Variants in LIN28B observed in about 807,000 individuals in gnomAD.
LIN28B encodes the protein lin-28 RNA binding posttranscriptional regulator B.
A neutral mutation model predicts 21.9 loss-of-function variants in LIN28B; 5 were observed. The observed-to-expected ratio is 0.23, with a 90% CI of 0.12 to 0.48. The LOEUF is 0.48. LIN28B is among the 20% of genes least tolerant of loss of function. LIN28B has a pLI of 0.98. For missense variants in LIN28B, 245 were observed against 310.5 expected, an observed-to-expected ratio of 0.79 and a Z score of 1.58; for synonymous variants, 109 against 111.3, an observed-to-expected ratio of 0.98 and a Z score of 0.13.
chr6:105,026,302 A>G lies in LIN28B; in HGVS notation c.203A>G (p.Lys68Arg), dbSNP rs1339761084. Reference sequence around the variant, plus strand: ...ACCCTCTTCTGCTCTTTACAGAGCAAACTATTCATGGAAGGATTTAGAAGC... The same window carrying G: ...ACCCTCTTCTGCTCTTTACAGAGCAGACTATTCATGGAAGGATTTAGAAGC... ...IPVDVFVHQS[K>R]LFMEGFRSLK... Residue 68 changes from lysine (K) to arginine (R), a missense_variant, in exon 3 of 4, where the codon AAA becomes AGA. Physicochemically the swap from Lys to Arg is conservative, Grantham distance 26 (BLOSUM62 2). Transcript: ENST00000345080. 1.9e-6 allele frequency: 3 copies of G among 1,591,536 alleles called. No homozygotes were observed.
chr6:104,985,642 TTTATA>T (rs1342908074), intron 2 of LIN28B, among the ~76,000 whole-genome samples: 5 of 152,160 alleles, frequency 3.3e-5, no homozygotes, highest in Admixed American at 6.5e-5. Flanking sequence ...CAATTTATAT[TTTATA>T]TTATATGTCA....
intron 2 of LIN28B, among the ~76,000 whole-genome samples, chr6:105,004,976 G>T (rs1032062309): frequency 6.6e-6 from 1 of 151,966 alleles, no homozygotes; most frequent in African/African-American, 2.4e-5. Flanking sequence ...TTTAGATCAC[G>T]TGTCTTCATC....
intron 2 of LIN28B, among the ~76,000 whole-genome samples, chr6:104,979,654 A>G (rs764636384): frequency 7.9e-5 from 12 of 152,186 alleles, no homozygotes; most frequent in Non-Finnish European, 1.5e-4. Flanking sequence ...TTTTTATACA[A>G]ATAGGGAAAT....
At position 105,080,416 on chromosome 6, in the gene LIN28B, C is replaced by T. The variant is rs2114430803; in HGVS notation, c.*1633C>T. 1 of 152,688 alleles carries T rather than the reference C, an allele frequency of 6.5e-6. No individual in the cohort carries two copies. Among genetic ancestry groups the T allele is most frequent in the South Asian group, 2.1e-4 (1 of 4,824 alleles). The allele number at this position is 152,688 out of a possible 1,614,324, so 9.5% of individuals were successfully genotyped here. ...GACATATTCTGCTGAACAGTTTCTA[C>T]TTCCTCTCCCGCCTGTCCTGTCATG... On this transcript the variant is annotated 3_prime_UTR_variant, in exon 4 of 4. Transcript: ENST00000345080.
chr6:104,958,272 G>C lies in LIN28B; in HGVS notation c.184G>C (p.Val62Leu). Residue 62 changes from valine (V) to leucine (L), a missense_variant, in exon 2 of 4, where the codon GTA (valine) becomes CTA (leucine). By Grantham distance (32) the Val-to-Leu change is conservative. Transcript: ENST00000345080. ...EGSPLDIPVDVFVHQSKLFME... is the reference protein window; with the variant it reads ...EGSPLDIPVDLFVHQSKLFME... ...AAGCCCCTTGGATATTCCAGTCGATGTATTTGTACACCAAGTAAGCCAAAC... is the reference window on the plus strand; with the variant it reads ...AAGCCCCTTGGATATTCCAGTCGATCTATTTGTACACCAAGTAAGCCAAAC... 5.8e-6 allele frequency: 9 copies of C among 1,560,492 alleles called. No homozygotes were observed. Among genetic ancestry groups the C allele is most frequent in the Non-Finnish European group, 7.9e-6 (9 of 1,142,342 alleles).
At chr6:105,076,967 C>T (rs943937366) in intron 3 of LIN28B, among the ~76,000 whole-genome samples, 1 of 151,748 alleles carries the variant, frequency 6.6e-6, no homozygotes, top group Non-Finnish European at 1.5e-5. Flanking sequence ...CAGTGGCTCA[C>T]GTCTGTAATC....
chr6:105,074,953 C>T (rs776615581), intron 3 of LIN28B, among the ~76,000 whole-genome samples: 10 of 152,252 alleles, frequency 6.6e-5, no homozygotes, highest in Admixed American at 1.3e-4. Context: ...GTGATCTGTC[C>T]GCCTCAGCCT....
Position 105,051,394 on chromosome 6 carries a change from G to A in LIN28B, c.383+24912G>A, listed in dbSNP as rs956746635. 2.0e-5 allele frequency among the ~76,000 whole-genome samples: 3 copies of A among 148,040 alleles called. No homozygotes were observed. The East Asian group carries it at 5.8e-4, about 29-fold the overall frequency. On this transcript the variant is annotated intron_variant, in intron 3 of 3. Transcript: ENST00000345080. ...GTGGAGGTTGCAGTGAGCTGAGATC[G>A]TGCCATTGCACTCCAGCCTGGGCGA...
intron 2 of LIN28B, among the ~76,000 whole-genome samples, chr6:105,008,069 A>T (rs1770851763): frequency 6.6e-6 from 1 of 152,202 alleles, no homozygotes; most frequent in South Asian, 2.1e-4. Flanking sequence ...CTTTAATTTT[A>T]TTGCTGACAT....
chr6:104,997,964 A>G (rs181578184), intron 2 of LIN28B, among the ~76,000 whole-genome samples: 4 of 152,284 alleles, frequency 2.6e-5, no homozygotes, highest in Non-Finnish European at 5.9e-5. Context: ...TAAACTGAGG[A>G]AAAAAAGGTT....
At chr6:105,070,634 A>ACACACACACACACACACACACACG (rs1206857492) in intron 3 of LIN28B, among the ~76,000 whole-genome samples, 1 of 150,938 alleles carries the variant, frequency 6.6e-6, no homozygotes, top group East Asian at 2.0e-4. Context: ...ACACACACAC[A>ACACACACACACACACACACACACG]CACACACTGG....
intron 2 of LIN28B, among the ~76,000 whole-genome samples, chr6:104,992,131 G>A (rs1248135146): frequency 3.3e-5 from 5 of 151,584 alleles, no homozygotes; most frequent in Non-Finnish European, 5.9e-5. Context: ...ATGCGATCTC[G>A]GCTCACCGTA....
intron 3 of LIN28B, among the ~76,000 whole-genome samples, chr6:105,030,541 ATGTAT>A (rs961854077): frequency 4.0e-5 from 6 of 151,030 alleles, no homozygotes; most frequent in South Asian, 2.1e-4. Context: ...TGATAAGATA[ATGTAT>A]TGTATTTCAA....
intron 3 of LIN28B, among the ~76,000 whole-genome samples, chr6:105,062,025 AG>A (rs1772130380): frequency 6.6e-6 from 1 of 152,098 alleles, no homozygotes; most frequent in South Asian, 2.1e-4. Context: ...TGTTATACTC[AG>A]GCCATTTATT....
chr6:104,988,518 G>T (rs557817861), intron 2 of LIN28B, among the ~76,000 whole-genome samples: 5 of 148,878 alleles, frequency 3.4e-5, no homozygotes, highest in South Asian at 4.3e-4. Flanking sequence ...TTGTAGAAAG[G>T]TTTTAAACTA....
chr6:105,076,097 A>G (rs1304099867), intron 3 of LIN28B, among the ~76,000 whole-genome samples: 5 of 152,230 alleles, frequency 3.3e-5, no homozygotes. Flanking sequence ...AGCATTAGCA[A>G]GTAAACTTTA....
intron 2 of LIN28B, among the ~76,000 whole-genome samples, chr6:104,979,327 A>C (rs570559292): frequency 4.6e-4 from 70 of 151,696 alleles, no homozygotes; most frequent in African/African-American, 1.6e-3. Context: ...CTCCTGCCTC[A>C]GCCTCCCGAG....
At chr6:105,004,860 C>T (rs1199542704) in intron 2 of LIN28B, among the ~76,000 whole-genome samples, 3 of 152,178 alleles carry the variant, frequency 2.0e-5, no homozygotes, top group Non-Finnish European at 2.9e-5. Context: ...TACCATACTC[C>T]TGCTCCAGTC....
chr6:105,054,845 CT>C (rs11392418), intron 3 of LIN28B, among the ~76,000 whole-genome samples: 5,201 of 137,332 alleles, frequency 0.038, 249 homozygotes, highest in African/African-American at 0.12. Flanking sequence ...ACCTGAACAA[CT>C]TTTTTTTTTT....
Sources: gnomAD v4.1 joint callset for allele counts (sites outside exome capture counted in the v4.1 genomes callset) on GRCh38, gnomAD v4.1.1 for gene constraint, MANE v1.5 for transcripts, NCBI Gene and HGNC (gene_info 2026-07-23, HGNC 2026-07-21) for gene names.